PCDHGA5: variants seen among roughly 807,000 people sequenced by gnomAD.
The protein encoded by PCDHGA5 is protocadherin gamma-A5.
In PCDHGA5, 36 loss-of-function variants were observed where a neutral mutation model predicts 56.7. The observed-to-expected ratio is 0.64, with a 90% CI of 0.49 to 0.84. The LOEUF (loss-of-function observed/expected upper bound fraction) is 0.84. Ranked by LOEUF, PCDHGA5 falls within the 40% of genes least tolerant of loss-of-function variation. PCDHGA5 has a pLI of 0.00. For synonymous variants in PCDHGA5, 563 were observed against 520.2 expected, an observed-to-expected ratio of 1.08 and a Z score of -1.12; for missense variants, 1,305 against 1,201.5, an observed-to-expected ratio of 1.09 and a Z score of -1.27.
chr5:141,410,820 T>A (rs1032991309), intron 1 of PCDHGA5: 14 of 524,668 alleles, frequency 2.7e-5, no homozygotes, highest in Non-Finnish European at 4.1e-5. Context: ...TAAAATAATG[T>A]CACCAGACTG....
intron 1 of PCDHGA5, chr5:141,374,128 GCTC>G: frequency 6.2e-7 from 1 of 1,603,488 alleles, no homozygotes; most frequent in Non-Finnish European, 8.5e-7. Flanking sequence ...AGCAGGTCCT[GCTC>G]CTCACGCTCC....
intron 1 of PCDHGA5, chr5:141,395,102 G>C: frequency 6.2e-7 from 1 of 1,614,172 alleles, no homozygotes; most frequent in Non-Finnish European, 8.5e-7. Flanking sequence ...CCGCCGACTC[G>C]CGGAAGAGTC....
intron 1 of PCDHGA5, among the ~76,000 whole-genome samples, chr5:141,472,969 A>G: frequency 6.8e-6 from 1 of 147,990 alleles, no homozygotes; most frequent in Non-Finnish European, 1.5e-5. Flanking sequence ...CTGGGGAACA[A>G]GAGTGAAACT....
chr5:141,375,059 G>A lies in PCDHGA5; in HGVS notation c.2421+8308G>A. On this transcript the variant is annotated intron_variant, in intron 1 of 3. Transcript: ENST00000518069. ...GGGTGTTGAAGCCCGGGATGGGCCA[G>A]GTCTTCGAGACAGAGCGAAAGTCTT... The A allele has an allele frequency of 2.5e-6, 4 of 1,614,038 alleles. No individual in the cohort carries two copies. The Admixed American group carries it at 6.7e-5, about 27-fold the overall frequency.
In PCDHGA5 at chr5:141,476,101, A is replaced by G; in HGVS notation, c.2422-18706A>G. The G allele has an allele frequency of 6.3e-7, 1 of 1,576,386 alleles. No individual in the cohort carries two copies. Among genetic ancestry groups the G allele is most frequent in the East Asian group, 2.2e-5 (1 of 44,540 alleles). On this transcript the variant is annotated intron_variant, in intron 1 of 3. Coordinates refer to ENST00000518069, the MANE Select transcript of PCDHGA5 (RefSeq NM_018918.3). This position sits in a 1 kb window ranked among gnomAD's most constrained non-coding sequence, Gnocchi z 7.6. ...GACGATCTGGACCCCGCTGAGAGGA[A>G]CTGCTTTTGAGTGAGATGGTCCCAG... is the stretch of plus-strand genomic sequence containing the variant.
intron 1 of PCDHGA5, among the ~76,000 whole-genome samples, chr5:141,454,743 G>A (rs1050167077): frequency 6.7e-6 from 1 of 149,684 alleles, no homozygotes; most frequent in African/African-American, 2.5e-5. Context: ...ATGAAAAGAG[G>A]CCAAACTAAT....
At chr5:141,422,142 G>T in intron 1 of PCDHGA5, 1 of 1,583,694 alleles carries the variant, frequency 6.3e-7, no homozygotes, top group Non-Finnish European at 8.5e-7. Flanking sequence ...TTCAAGTACG[G>T]GGGTCTCTGG....
chr5:141,400,646 CTGTCCT>C, intron 1 of PCDHGA5: 1 of 1,222,508 alleles, frequency 8.2e-7, no homozygotes, highest in South Asian at 1.4e-5. Flanking sequence ...GCTCAGAAAG[CTGTCCT>C]ACCATTCTTT....
In PCDHGA5 at chr5:141,380,448, A is replaced by G. The variant is rs145941690; in HGVS notation, c.2421+13697A>G. Among the ~76,000 whole-genome samples, 6 of 152,354 alleles carry G rather than the reference A, an allele frequency of 3.9e-5. No homozygotes were observed. The East Asian group carries it at 1.2e-3, about 29-fold the overall frequency. ...TAGACTTTACATAGAATTCTTTTTA[A>G]TGCAACCAAACAAATGGTCAGGATT... On this transcript the variant is annotated intron_variant, in intron 1 of 3. Coordinates refer to ENST00000518069, the MANE Select transcript of PCDHGA5 (RefSeq NM_018918.3).
chr5:141,398,776 G>C, intron 1 of PCDHGA5: 2 of 1,613,904 alleles, frequency 1.2e-6, no homozygotes. Context: ...TGCCTTGGAC[G>C]GTGGACATCC....
At position 141,365,401 on chromosome 5, in the gene PCDHGA5, T is replaced by G; in HGVS notation, c.1071T>G (p.Ser357=). 1 of 1,614,034 alleles carries G rather than the reference T, an allele frequency of 6.2e-7. No homozygotes were observed. Among genetic ancestry groups the G allele is most frequent in the Non-Finnish European group, 8.5e-7 (1 of 1,179,896 alleles). The change falls in exon 1 of 4, where the codon TCT becomes TCG. Residue 357 remains serine, a synonymous_variant. Coordinates refer to ENST00000518069, the MANE Select transcript of PCDHGA5 (RefSeq NM_018918.3). ...TCACCTCTCTGACCAGTTCGATCTCTGAAGACTGTCTTCCCGGAACTGTAA... is the reference window on the plus strand; with the variant it reads ...TCACCTCTCTGACCAGTTCGATCTCGGAAGACTGTCTTCCCGGAACTGTAA... The part of the protein sequence containing the change: ...VILTSLTSSI[S]EDCLPGTVIA...
In PCDHGA5 at chr5:141,365,891, G is replaced by C; in HGVS notation, c.1561G>C (p.Asp521His). 1 of 1,614,136 alleles carries C rather than the reference G, an allele frequency of 6.2e-7. No homozygotes were observed. The highest frequency in any genetic ancestry group is 8.5e-7 in the Non-Finnish European group (1 of 1,180,012). Reference sequence around the variant, plus strand: ...TGTCCTGTATGCTCTGAGATCCTTCGACTATGAGCAGTTGAGAGACCTACA... The same window carrying C: ...TGTCCTGTATGCTCTGAGATCCTTCCACTATGAGCAGTTGAGAGACCTACA... ...TGVLYALRSF[D>H]YEQLRDLQLW... The change falls in exon 1 of 4, where the codon GAC becomes CAC. Residue 521 changes from aspartate to histidine, a missense_variant. By Grantham distance (81) the Asp-to-His change is moderately conservative (BLOSUM62 -1). Transcript: ENST00000518069.
At position 141,489,657 on chromosome 5, in the gene PCDHGA5, G is replaced by T. The variant is rs755618175; in HGVS notation, c.2422-5150G>T. 6.2e-7 allele frequency: 1 copy of T among 1,614,198 alleles called. No individual in the cohort carries two copies. Among genetic ancestry groups the T allele is most frequent in the Admixed American group, 1.7e-5 (1 of 60,030 alleles). ...CTAGCTTTGCCACCCCTGAGCGAGA[G>T]ATGCGCATCTCAGAATCAGCAGCAT... On this transcript the variant is annotated intron_variant, in intron 1 of 3. Coordinates refer to ENST00000518069, the MANE Select transcript of PCDHGA5 (RefSeq NM_018918.3). This position sits in a 1 kb window ranked among gnomAD's most constrained non-coding sequence, Gnocchi z 4.5.
At position 141,508,909 on chromosome 5, in the gene PCDHGA5, G is replaced by A. The variant is rs545345992; in HGVS notation, c.2570-2038G>A. ...GAGGGGAGGGGGCGGGGCGGTGGCG[G>A]ATCTGGCTTCCTTTTGGAGTTAATT... is the stretch of plus-strand genomic sequence containing the variant. On this transcript the variant is annotated intron_variant, in intron 3 of 3. Coordinates refer to ENST00000518069, the MANE Select transcript of PCDHGA5 (RefSeq NM_018918.3). 2.0e-5 allele frequency among the ~76,000 whole-genome samples: 3 copies of A among 152,202 alleles called. No homozygotes were observed. The South Asian group carries it at 6.2e-4, about 32-fold the overall frequency.
At chr5:141,378,342 G>T (rs1774822998) in intron 1 of PCDHGA5, 1 of 152,204 alleles carries the variant, frequency 6.6e-6, no homozygotes, top group African/African-American at 2.4e-5. Context: ...GACCAACATG[G>T]TGAAACCCCG....
At chr5:141,372,457 TAC>T (rs774918013) in intron 1 of PCDHGA5, 3 of 1,614,052 alleles carry the variant, frequency 1.9e-6, no homozygotes, top group Non-Finnish European at 1.7e-6. Flanking sequence ...CAGGCGGAGC[TAC>T]AGTTTCACCT....
At chr5:141,438,053 C>T (rs1023159995) in intron 1 of PCDHGA5, among the ~76,000 whole-genome samples, 2 of 152,112 alleles carry the variant, frequency 1.3e-5, no homozygotes, top group African/African-American at 4.8e-5. Context: ...TTTGAGTTCA[C>T]TTTTAAGAAA....
At chr5:141,435,941 A>G (rs1354198135) in intron 1 of PCDHGA5, among the ~76,000 whole-genome samples, 1 of 152,170 alleles carries the variant, frequency 6.6e-6, no homozygotes, top group Non-Finnish European at 1.5e-5. Flanking sequence ...TGCTTCTGAG[A>G]CCAAAAAAGG....
In PCDHGA5 at chr5:141,431,221, A is replaced by T; in HGVS notation, c.2422-63586A>T. 6.2e-7 allele frequency: 1 copy of T among 1,614,124 alleles called. No homozygotes were observed. The highest frequency in any genetic ancestry group is 8.5e-7 in the Non-Finnish European group (1 of 1,180,026). On this transcript the variant is annotated intron_variant, in intron 1 of 3. Transcript: ENST00000518069. The surrounding 1 kb of genome is among the most constrained non-coding windows in gnomAD (Gnocchi z 4.8). Reference sequence around the variant, plus strand: ...CAGCCACTGAGATGCGGTTCCCTCTACCCCACGCCTGGGATCCGGATATCG... The same window carrying T: ...CAGCCACTGAGATGCGGTTCCCTCTTCCCCACGCCTGGGATCCGGATATCG...
Sources: gnomAD v4.1 joint callset for allele counts (sites outside exome capture counted in the v4.1 genomes callset) on GRCh38, gnomAD v4.1.1 for gene constraint, Gnocchi (gnomAD v3.1) non-coding constraint, MANE v1.5 for transcripts, NCBI Gene and HGNC (gene_info 2026-07-23, HGNC 2026-07-21) for gene names.